MCC: variants seen among roughly 807,000 people sequenced by gnomAD.
The protein encoded by MCC is colorectal mutant cancer protein.
Under a neutral mutation model 116.2 loss-of-function variants are expected in MCC, and 90 were observed. That is an observed-to-expected ratio of 0.77 (90% confidence interval 0.65 to 0.92). The LOEUF (loss-of-function observed/expected upper bound fraction) is 0.92. Among genes scored for constraint, MCC ranks in the 40% least tolerant of loss-of-function variants. The pLI is 0.00. For missense variants in MCC, 1,516 were observed against 1,312.2 expected (o/e 1.16, Z -2.40); for synonymous variants, 578 against 510.5 (o/e 1.13, Z -1.78).
At chr5:113,410,809 A>G (rs1769969726) in intron 1 of MCC, among the ~76,000 whole-genome samples, 1 of 152,108 alleles carries the variant, frequency 6.6e-6, no homozygotes, top group African/African-American at 2.4e-5. Context: ...CCCTGTGTCC[A>G]TGTGTTCTCG....
intron 5 of MCC, among the ~76,000 whole-genome samples, chr5:113,127,420 T>C (rs1027779962): frequency 6.6e-6 from 1 of 152,210 alleles, no homozygotes; most frequent in African/African-American, 2.4e-5. Context: ...CTTTGAGGAA[T>C]TGCCATACTG....
At chr5:113,063,744 C>T (rs544271759) in intron 14 of MCC, among the ~76,000 whole-genome samples, 2 of 152,256 alleles carry the variant, frequency 1.3e-5, no homozygotes, top group Non-Finnish European at 2.9e-5. Context: ...CCACTTTCCA[C>T]AGCAAATCTC....
chr5:113,210,508 T>G (rs1395467910), intron 3 of MCC, among the ~76,000 whole-genome samples: 1 of 152,154 alleles, frequency 6.6e-6, no homozygotes. Flanking sequence ...CCAGACTCAG[T>G]GCAATTGGGA....
chr5:113,437,552 T>A (rs1241623801), intron 1 of MCC, among the ~76,000 whole-genome samples: 1 of 152,160 alleles, frequency 6.6e-6, no homozygotes, highest in Non-Finnish European at 1.5e-5. Flanking sequence ...TATTTGCATT[T>A]TACAAAAATC....
At chr5:113,145,770 ACACACACACACACAAACACACAC>A in intron 4 of MCC, among the ~76,000 whole-genome samples, 1 of 16,282 alleles carries the variant, frequency 6.1e-5, no homozygotes, top group South Asian at 2.4e-3. Context: ...ACACACACAC[ACACACACACACACAAACACACAC>A]ACACACACAC....
intron 1 of MCC, among the ~76,000 whole-genome samples, chr5:113,471,362 G>A (rs1772084853): frequency 6.6e-6 from 1 of 151,996 alleles, no homozygotes. Flanking sequence ...TGGTGTGGAT[G>A]TCCTGTTTGT....
At chr5:113,036,856 C>T (rs140533422) in intron 17 of MCC, among the ~76,000 whole-genome samples, 193 of 152,304 alleles carry the variant, frequency 1.3e-3, no homozygotes, top group African/African-American at 4.2e-3. Context: ...CAGTCTTCAC[C>T]CTCTGTGCTT....
At chr5:113,453,525 C>T (rs930546709) in intron 1 of MCC, among the ~76,000 whole-genome samples, 2 of 152,204 alleles carry the variant, frequency 1.3e-5, no homozygotes, top group East Asian at 1.9e-4. Context: ...CCTCCCTCAG[C>T]AAAGGCAGGC....
Position 113,359,782 on chromosome 5 carries a change from T to C in MCC, c.416-19052A>G, listed in dbSNP as rs373541530. Among the ~76,000 whole-genome samples the C allele has an allele frequency of 3.0e-3, 452 of 151,636 alleles. 3 individuals carry two copies. The highest frequency in any genetic ancestry group is 0.01 in the African/African-American group (430 of 41,268). The stretch of plus-strand genomic sequence containing the variant: ...ATGAAGAGGTATTAAAGCAAATAAA[T>C]TGACTTTCACTTCATAGAAGATAAA... On this transcript the variant is annotated intron_variant, in intron 2 of 18. Coordinates refer to ENST00000408903, the MANE Select transcript of MCC (RefSeq NM_001085377.2).
intron 1 of MCC, among the ~76,000 whole-genome samples, chr5:113,416,106 G>A (rs1437621836): frequency 2.6e-5 from 4 of 152,178 alleles, no homozygotes; most frequent in African/African-American, 7.2e-5. Flanking sequence ...CAGAGGCTCA[G>A]TTGGAAATGC....
At chr5:113,388,382 G>A (rs1316038567) in intron 1 of MCC, among the ~76,000 whole-genome samples, 1 of 152,150 alleles carries the variant, frequency 6.6e-6, no homozygotes, top group Non-Finnish European at 1.5e-5. Context: ...CCCTGATATG[G>A]TTTGGATGTT....
At chr5:113,117,446 G>C (rs897620357) in intron 6 of MCC, among the ~76,000 whole-genome samples, 7 of 152,222 alleles carry the variant, frequency 4.6e-5, no homozygotes, top group African/African-American at 1.7e-4. Context: ...GCGGGTATAA[G>C]AGTAGATTTC....
intron 3 of MCC, among the ~76,000 whole-genome samples, chr5:113,264,219 T>C (rs545163814): frequency 2.0e-5 from 3 of 152,352 alleles, no homozygotes; most frequent in South Asian, 2.1e-4. Context: ...AAAACTTGCA[T>C]TGACGTTTAC....
intron 3 of MCC, among the ~76,000 whole-genome samples, chr5:113,319,749 G>T (rs11958734): frequency 0.089 from 13,589 of 152,194 alleles, 1,428 homozygotes; most frequent in African/African-American, 0.26. Flanking sequence ...AAACATGTTG[G>T]CTCTAGGAAC....
intron 1 of MCC, among the ~76,000 whole-genome samples, chr5:113,467,617 T>A (rs1483882893): frequency 6.6e-6 from 1 of 152,200 alleles, no homozygotes; most frequent in East Asian, 1.9e-4. Flanking sequence ...TCAGGTAGCG[T>A]GATGCTTCCA....
chr5:113,138,314 G>C (rs374268817), intron 5 of MCC, among the ~76,000 whole-genome samples: 2 of 152,154 alleles, frequency 1.3e-5, no homozygotes, highest in Non-Finnish European at 2.9e-5. Context: ...CCTGGCCCAC[G>C]CCAAAATTCT....
chr5:113,135,870 C>T lies in MCC; in HGVS notation c.884+7348G>A, dbSNP rs532207721. The stretch of plus-strand genomic sequence containing the variant: ...AACATCCTGGCCAATATGGTGAAAC[C>T]CCATCTCTACTAAAAACACAAAAAA... On this transcript the variant is annotated intron_variant, in intron 5 of 18. Coordinates refer to ENST00000408903, the MANE Select transcript of MCC (RefSeq NM_001085377.2). 4.6e-5 allele frequency among the ~76,000 whole-genome samples: 7 copies of T among 152,020 alleles called. 1 individual carries two copies. Among genetic ancestry groups the T allele is most frequent in the African/African-American group, 1.7e-4 (7 of 41,456 alleles).
intron 17 of MCC, among the ~76,000 whole-genome samples, chr5:113,030,649 G>A (rs1750889253): frequency 6.6e-6 from 1 of 152,198 alleles, no homozygotes; most frequent in Non-Finnish European, 1.5e-5. Context: ...CTGCACTCCA[G>A]CTTGGGTGAC....
At chr5:113,201,406 CAAA>C (rs1762675442) in intron 3 of MCC, among the ~76,000 whole-genome samples, 1 of 103,750 alleles carries the variant, frequency 9.6e-6, no homozygotes, top group African/African-American at 3.3e-5. Flanking sequence ...AAAAAAAAAA[CAAA>C]GAAGAAACTA....
Sources: gnomAD v4.1 joint callset for allele counts (sites outside exome capture counted in the v4.1 genomes callset) on GRCh38, gnomAD v4.1.1 for gene constraint, MANE v1.5 for transcripts, NCBI Gene and HGNC (gene_info 2026-07-23, HGNC 2026-07-21) for gene names.